Variants in UNC5D observed in about 807,000 individuals in gnomAD.
The protein encoded by UNC5D is unc-5 netrin receptor D, also known as netrin receptor UNC5D.
In UNC5D, 39 loss-of-function variants were observed where a neutral mutation model predicts 105.4. The observed-to-expected ratio is 0.37, with a 90% confidence interval of 0.29 to 0.48. The LOEUF is 0.48. Ranked by LOEUF, UNC5D falls within the 20% of genes least tolerant of loss-of-function variation. The pLI is 0.98. For missense variants in UNC5D, 991 were observed against 1,202.4 expected (o/e 0.82, Z 2.60); for synonymous variants, 452 against 450.4 (o/e 1.00, Z -0.04).
At chr8:35,746,328 A>G (rs1286410093) in intron 11 of UNC5D, among the ~76,000 whole-genome samples, 1 of 152,162 alleles carries the variant, frequency 6.6e-6, no homozygotes, top group Non-Finnish European at 1.5e-5. Context: ...TGTTACAGGT[A>G]GAAGGTAGCA....
intron 1 of UNC5D, among the ~76,000 whole-genome samples, chr8:35,474,552 C>T (rs1053581930): frequency 1.3e-5 from 2 of 152,042 alleles, no homozygotes; most frequent in African/African-American, 4.8e-5. Context: ...TTAAATATTC[C>T]ATAAACTTCT....
At chr8:35,546,827 C>T (rs553714671) in intron 1 of UNC5D, among the ~76,000 whole-genome samples, 2 of 152,136 alleles carry the variant, frequency 1.3e-5, no homozygotes, top group South Asian at 2.1e-4. Flanking sequence ...TCTGAGATTC[C>T]ACCCCGAAAC....
intron 13 of UNC5D, among the ~76,000 whole-genome samples, chr8:35,753,896 T>C (rs1830398626): frequency 2.0e-5 from 3 of 152,250 alleles, no homozygotes; most frequent in Admixed American, 2.0e-4. Context: ...TCCTCCGTCT[T>C]AGTTTCTGGG....
chr8:35,692,167 G>C (rs1194809871), intron 7 of UNC5D, among the ~76,000 whole-genome samples: 1 of 152,200 alleles, frequency 6.6e-6, no homozygotes. Flanking sequence ...AGTTTGAGTT[G>C]ATGGTTAGGA....
chr8:35,660,742 G>T (rs1321331117), intron 4 of UNC5D, among the ~76,000 whole-genome samples: 2 of 152,126 alleles, frequency 1.3e-5, no homozygotes, highest in African/African-American at 4.8e-5. Context: ...CCCTCCCCTT[G>T]GGGTTGTTTA....
At chr8:35,721,731 TAG>T (rs1828592952) in intron 8 of UNC5D, among the ~76,000 whole-genome samples, 1 of 152,206 alleles carries the variant, frequency 6.6e-6, no homozygotes, top group African/African-American at 2.4e-5. Flanking sequence ...TCTCAACTAA[TAG>T]ACTTTGTGTT....
intron 1 of UNC5D, among the ~76,000 whole-genome samples, chr8:35,360,180 G>T (rs1259530785): frequency 6.6e-6 from 1 of 152,056 alleles, no homozygotes; most frequent in Non-Finnish European, 1.5e-5. Flanking sequence ...AGCTCTGTCT[G>T]CAGCTCATTT....
chr8:35,539,329 A>T (rs1039950402), intron 1 of UNC5D, among the ~76,000 whole-genome samples: 3 of 152,162 alleles, frequency 2.0e-5, no homozygotes, highest in Non-Finnish European at 4.4e-5. Context: ...TATAAAATAT[A>T]TCATAAAATG....
At chr8:35,669,911 G>A (rs575069071) in intron 4 of UNC5D, among the ~76,000 whole-genome samples, 5 of 152,148 alleles carry the variant, frequency 3.3e-5, no homozygotes, top group Non-Finnish European at 7.3e-5. Context: ...GAGTACCAGA[G>A]TCTGTAGCAC....
chr8:35,613,500 A>G (rs920209744), intron 4 of UNC5D, among the ~76,000 whole-genome samples: 6 of 152,304 alleles, frequency 3.9e-5, no homozygotes, highest in South Asian at 2.1e-4. Flanking sequence ...TCTGAGCACT[A>G]CTAATACTCT....
intron 1 of UNC5D, among the ~76,000 whole-genome samples, chr8:35,306,307 G>T (rs536526877): frequency 2.6e-5 from 4 of 151,774 alleles, no homozygotes; most frequent in Non-Finnish European, 5.9e-5. Context: ...ATCCACTGAG[G>T]TTTTTTTGTT....
In UNC5D at chr8:35,689,241, G is replaced by A. The variant is rs145690395; in HGVS notation, c.1084+2532G>A. On this transcript the variant is annotated intron_variant, in intron 7 of 16. Coordinates refer to ENST00000404895, the MANE Select transcript of UNC5D (RefSeq NM_080872.4). ...AGACAGATAATGGTTATCTCTTAATGTAAGAAAGAATTGTTATCCAACACA... is the reference window on the plus strand; with the variant it reads ...AGACAGATAATGGTTATCTCTTAATATAAGAAAGAATTGTTATCCAACACA... Among the ~76,000 whole-genome samples the A allele has an allele frequency of 5.4e-3, 821 of 152,330 alleles. 10 individuals are homozygous for A. The highest frequency in any genetic ancestry group is 0.019 in the African/African-American group (789 of 41,578).
At chr8:35,566,588 C>T (rs557229432) in intron 2 of UNC5D, among the ~76,000 whole-genome samples, 5 of 152,260 alleles carry the variant, frequency 3.3e-5, no homozygotes, top group African/African-American at 7.2e-5. Flanking sequence ...TTTTGGTGTG[C>T]GAACACCAGG....
chr8:35,641,366 CAAA>C (rs377021599), intron 4 of UNC5D, among the ~76,000 whole-genome samples: 5 of 44,288 alleles, frequency 1.1e-4, no homozygotes, highest in Non-Finnish European at 1.7e-4. Context: ...AAAAATAAAG[CAAA>C]AAAAAAAAAA....
intron 11 of UNC5D, 146 bp from the exon 12 acceptor site, chr8:35,748,381 C>A: frequency 2.5e-6 from 2 of 799,848 alleles, no homozygotes; most frequent in Non-Finnish European, 3.7e-6. Context: ...AATGCTTGTT[C>A]TCCAGACCAG....
chr8:35,726,365 A>G lies in UNC5D; in HGVS notation c.1517A>G (p.His506Arg). 1 of 1,614,156 alleles carries G rather than the reference A, an allele frequency of 6.2e-7. No homozygotes were observed. The highest frequency in any genetic ancestry group is 8.5e-7 in the Non-Finnish European group (1 of 1,180,016). The change falls in exon 10 of 17, where the codon CAT becomes CGT. Residue 506 changes from histidine to arginine, a missense_variant. Physicochemically the swap from His to Arg is conservative, Grantham distance 29 (BLOSUM62 0). Transcript: ENST00000404895. ...SERAEYHGKN[H>R]SRTFPHGNNH... ...AGAGCTGAGTACCACGGCAAGAATCATTCCAGGACTTTTCCCCATGGAAAC... is the reference window on the plus strand; with the variant it reads ...AGAGCTGAGTACCACGGCAAGAATCGTTCCAGGACTTTTCCCCATGGAAAC...
intron 1 of UNC5D, among the ~76,000 whole-genome samples, chr8:35,537,251 A>G (rs903911052): frequency 6.6e-6 from 1 of 152,250 alleles, no homozygotes; most frequent in Non-Finnish European, 1.5e-5. Context: ...GCAAGTGTAT[A>G]CTAAGCAATT....
At chr8:35,321,546 A>G (rs2980399) in intron 1 of UNC5D, among the ~76,000 whole-genome samples, 9 of 152,122 alleles carry the variant, frequency 5.9e-5, no homozygotes, top group Admixed American at 2.0e-4. Context: ...TGAGGCCTTC[A>G]CCAGCCATGT....
intron 1 of UNC5D, among the ~76,000 whole-genome samples, chr8:35,338,898 T>A (rs1383844933): frequency 6.6e-6 from 1 of 152,134 alleles, no homozygotes; most frequent in Non-Finnish European, 1.5e-5. Flanking sequence ...TTAATTCCAC[T>A]CTAGGTTCCC....
Sources: gnomAD v4.1 joint callset for allele counts (sites outside exome capture counted in the v4.1 genomes callset) on GRCh38, gnomAD v4.1.1 for gene constraint, MANE v1.5 for transcripts, NCBI Gene and HGNC (gene_info 2026-07-23, HGNC 2026-07-21) for gene names.